SYT14: variants seen among roughly 807,000 people sequenced by gnomAD.
The protein encoded by SYT14 is synaptotagmin 14, also known as synaptotagmin-14.
Under a neutral mutation model 74.2 loss-of-function variants are expected in SYT14, and 32 were observed. The ratio of observed to expected loss-of-function variants is 0.43; its 90% CI spans 0.33 to 0.58. The LOEUF (loss-of-function observed/expected upper bound fraction) is 0.58. SYT14 is among the 20% of genes least tolerant of loss of function. SYT14 has a pLI of 0.05. For synonymous variants in SYT14, 298 were observed against 337.7 expected (o/e 0.88, Z 1.29); for missense variants, 791 against 981.8 (o/e 0.81, Z 2.60).
chr1:210,075,285 G>A (rs1333144004), intron 5 of SYT14, among the ~76,000 whole-genome samples: 2 of 151,694 alleles, frequency 1.3e-5, no homozygotes, highest in African/African-American at 4.8e-5. Context: ...TTCTGCTGAT[G>A]TGTTCTTCTT....
chr1:209,953,520 C>G lies in SYT14; in HGVS notation c.-486+764C>G, dbSNP rs148695345. Among the ~76,000 whole-genome samples the G allele has an allele frequency of 3.3e-5, 5 of 152,284 alleles. No individual in the cohort carries two copies. In the East Asian group the frequency reaches 9.6e-4, roughly 29 times the overall value. On this transcript the variant is annotated intron_variant, in intron 2 of 9. Transcript: ENST00000637265. ...GCCCCTCCTGAGTCTAGCCAACTAA[C>G]AGCACTCCTCCCATCCCTAATATTT... is the stretch of plus-strand genomic sequence containing the variant.
intron 5 of SYT14, among the ~76,000 whole-genome samples, chr1:210,069,178 G>A (rs530968740): frequency 4.0e-5 from 6 of 151,696 alleles, no homozygotes; most frequent in African/African-American, 1.4e-4. Context: ...TGCTTTATGC[G>A]GCTGGTGTAT....
At chr1:209,962,263 CTT>C (rs957115472) in intron 2 of SYT14, among the ~76,000 whole-genome samples, 1 of 150,522 alleles carries the variant, frequency 6.6e-6, no homozygotes, top group Non-Finnish European at 1.5e-5. Context: ...GCGTAGATAT[CTT>C]TTTTTTATAT....
chr1:210,158,891 G>A (rs900610423), intron 8 of SYT14, among the ~76,000 whole-genome samples: 4 of 151,934 alleles, frequency 2.6e-5, no homozygotes, highest in Admixed American at 1.3e-4. Context: ...TCTAAGCTTT[G>A]AACTATGTTA....
At chr1:209,983,119 C>T (rs529715533) in intron 2 of SYT14, among the ~76,000 whole-genome samples, 58 of 151,948 alleles carry the variant, frequency 3.8e-4, no homozygotes, top group Admixed American at 8.5e-4. Flanking sequence ...GTGTCTTTTG[C>T]AAATATTTTC....
intron 5 of SYT14, among the ~76,000 whole-genome samples, chr1:210,077,390 C>T: frequency 6.6e-6 from 1 of 152,214 alleles, no homozygotes; most frequent in East Asian, 1.9e-4. Flanking sequence ...GGGATTATAT[C>T]TCAGCATGAG....
At chr1:210,084,871 C>T (rs1466567988) in intron 5 of SYT14, among the ~76,000 whole-genome samples, 1 of 152,194 alleles carries the variant, frequency 6.6e-6, no homozygotes, top group Non-Finnish European at 1.5e-5. Context: ...CTAATTTTTG[C>T]AGTAGCCAAA....
intron 2 of SYT14, among the ~76,000 whole-genome samples, chr1:210,009,170 T>C (rs2080041589): frequency 6.6e-6 from 1 of 152,182 alleles, no homozygotes; most frequent in African/African-American, 2.4e-5. Flanking sequence ...TTAGTTTAAT[T>C]TCAGTGTATA....
At chr1:210,081,420 A>G (rs1192719750) in intron 5 of SYT14, among the ~76,000 whole-genome samples, 2 of 152,232 alleles carry the variant, frequency 1.3e-5, no homozygotes, top group Non-Finnish European at 2.9e-5. Context: ...AAAGCAAGTA[A>G]CACGATATTT....
chr1:210,114,822 G>C (rs933362661), intron 7 of SYT14, among the ~76,000 whole-genome samples: 2 of 151,002 alleles, frequency 1.3e-5, no homozygotes, highest in East Asian at 1.9e-4. Context: ...ATTATAGGGT[G>C]GGGGAGCAGA....
intron 1 of SYT14, among the ~76,000 whole-genome samples, chr1:209,945,063 GA>G (rs2078801110): frequency 6.6e-6 from 1 of 151,982 alleles, no homozygotes; most frequent in African/African-American, 2.4e-5. Context: ...GTTTTATTAA[GA>G]CATCTTTTTT....
At chr1:209,974,239 G>A (rs1190374963) in intron 2 of SYT14, among the ~76,000 whole-genome samples, 4 of 152,142 alleles carry the variant, frequency 2.6e-5, no homozygotes, top group Non-Finnish European at 5.9e-5. Flanking sequence ...GTCAATTTTG[G>A]CTTTTGTTAC....
chr1:209,981,450 C>CTTTTTTTTTTTTTTTTTTTTTTTTTTTTT (rs1183885685), intron 2 of SYT14, among the ~76,000 whole-genome samples: 7 of 99,084 alleles, frequency 7.1e-5, no homozygotes, highest in Admixed American at 1.3e-4. Flanking sequence ...TTTTTCTTTT[C>CTTTTTTTTTTTTTTTTTTTTTTTTTTTTT]TTTTTTTTTT....
At chr1:210,109,406 C>T (rs904546498) in intron 7 of SYT14, among the ~76,000 whole-genome samples, 1 of 151,840 alleles carries the variant, frequency 6.6e-6, no homozygotes, top group Non-Finnish European at 1.5e-5. Context: ...GGTGAAATCC[C>T]GTCGCTAATA....
chr1:209,967,576 T>C (rs2102737744), intron 2 of SYT14, among the ~76,000 whole-genome samples: 1 of 152,258 alleles, frequency 6.6e-6, no homozygotes, highest in African/African-American at 2.4e-5. Flanking sequence ...TCATTTCATC[T>C]AAGTTGTTGG....
chr1:210,059,892 A>G (rs980715459), intron 5 of SYT14, among the ~76,000 whole-genome samples: 5 of 152,104 alleles, frequency 3.3e-5, no homozygotes, highest in African/African-American at 9.7e-5. Flanking sequence ...CCTCCCATAT[A>G]AATCAGTGGA....
exon 10 of SYT14, chr1:210,160,936 C>G (rs2083361857): frequency 6.2e-7 from 1 of 1,613,980 alleles, no homozygotes; most frequent in African/African-American, 1.3e-5. Context: ...GGCTGGATTT[C>G]TTTAGGTCTC....
At chr1:210,158,296 A>T (rs1572395146) in intron 8 of SYT14, among the ~76,000 whole-genome samples, 1 of 152,124 alleles carries the variant, frequency 6.6e-6, no homozygotes, top group South Asian at 2.1e-4. Flanking sequence ...AGTTGGGGAG[A>T]TGGTGAGGCC....
chr1:209,952,611 G>C, intron 1 of SYT14, 98 bp from the exon 2 acceptor site: 1 of 1,018,364 alleles, frequency 9.8e-7, no homozygotes, highest in Non-Finnish European at 1.5e-6. Flanking sequence ...AACTTTTTTT[G>C]AGGTCACTTT....
Sources: gnomAD v4.1 joint callset for allele counts (sites outside exome capture counted in the v4.1 genomes callset) on GRCh38, gnomAD v4.1.1 for gene constraint, MANE v1.5 for transcripts, NCBI Gene and HGNC (gene_info 2026-07-23, HGNC 2026-07-21) for gene names.